Variants in GALNT13 observed in about 807,000 individuals in gnomAD.
GALNT13 encodes the protein UDP-GalNAc:polypeptide N-acetylgalactosaminyltransferase 13.
GALNT13 carries 28 observed loss-of-function variants against 64.2 expected under a neutral mutation model. The ratio of observed to expected loss-of-function variants is 0.44; its 90% CI spans 0.32 to 0.60. The LOEUF is 0.60. GALNT13 is among the 20% of genes least tolerant of loss of function. The pLI, the probability that GALNT13 is intolerant of heterozygous loss-of-function variation, is 0.05. For missense variants in GALNT13, 577 were observed against 669.8 expected (o/e 0.86, Z 1.53); for synonymous variants, 214 against 224.6 (o/e 0.95, Z 0.42).
At chr2:153,746,196 A>T in the GALNT13 span, among the ~76,000 whole-genome samples, 1 of 152,284 alleles carries the variant, frequency 6.6e-6, no homozygotes, top group East Asian at 1.9e-4. Flanking sequence ...AATTTCCAAA[A>T]CCTGAACACA....
the GALNT13 span, among the ~76,000 whole-genome samples, chr2:153,070,756 C>G: frequency 3.3e-5 from 5 of 152,152 alleles, no homozygotes; most frequent in East Asian, 9.6e-4. Context: ...TTTGGAGAGA[C>G]AAGCTGCACA....
At chr2:153,666,976 T>A in the GALNT13 span, among the ~76,000 whole-genome samples, 1 of 152,040 alleles carries the variant, frequency 6.6e-6, no homozygotes, top group Admixed American at 6.6e-5. Context: ...GAAAACTCAC[T>A]ACAAGAATTT....
At chr2:153,749,577 G>C in the GALNT13 span, among the ~76,000 whole-genome samples, 1 of 151,816 alleles carries the variant, frequency 6.6e-6, no homozygotes, top group Non-Finnish European at 1.5e-5. Context: ...TCATTGCTAG[G>C]TATTTAACTT....
chr2:154,441,819 G>A (rs758315176), intron 12 of GALNT13: 5 of 152,060 alleles, frequency 3.3e-5, no homozygotes, highest in Non-Finnish European at 7.4e-5. Flanking sequence ...TTAGGTGAGT[G>A]GGGGAAAAGA....
chr2:153,239,686 A>G, the GALNT13 span, among the ~76,000 whole-genome samples: 1 of 152,174 alleles, frequency 6.6e-6, no homozygotes, highest in East Asian at 1.9e-4. Flanking sequence ...ACACTTAGTC[A>G]TGATGAATAA....
chr2:153,975,807 G>T (rs1694038698), intron 3 of GALNT13, among the ~76,000 whole-genome samples: 1 of 151,986 alleles, frequency 6.6e-6, no homozygotes, highest in Non-Finnish European at 1.5e-5. Flanking sequence ...AAGAGAGTAG[G>T]TCTTAAATCT....
the GALNT13 span, among the ~76,000 whole-genome samples, chr2:153,731,759 T>G: frequency 3.3e-5 from 5 of 152,030 alleles, no homozygotes; most frequent in Non-Finnish European, 7.4e-5. Context: ...TTTTATATTT[T>G]GACATCTTTT....
At chr2:154,051,451 C>T (rs1352980832) in intron 3 of GALNT13, among the ~76,000 whole-genome samples, 8 of 151,112 alleles carry the variant, frequency 5.3e-5, no homozygotes, top group Non-Finnish European at 1.0e-4. Flanking sequence ...CCACCGCGCC[C>T]GGCTAATTTT....
chr2:154,054,905 A>G (rs1349041179), intron 3 of GALNT13, among the ~76,000 whole-genome samples: 2 of 152,050 alleles, frequency 1.3e-5, no homozygotes, highest in Non-Finnish European at 2.9e-5. Context: ...AATGTTCTGT[A>G]TGATGTCAGT....
chr2:153,649,311 T>A, the GALNT13 span, among the ~76,000 whole-genome samples: 1 of 152,172 alleles, frequency 6.6e-6, no homozygotes, highest in Admixed American at 6.6e-5. Context: ...AGTGGTGATA[T>A]CCCCTTTATC....
the GALNT13 span, among the ~76,000 whole-genome samples, chr2:153,658,357 A>G: frequency 0.27 from 40,976 of 151,928 alleles, 5,933 homozygotes; most frequent in Admixed American, 0.39. Flanking sequence ...ATTCACTTCC[A>G]TGGCACTGAT....
At chr2:153,116,825 A>T in the GALNT13 span, among the ~76,000 whole-genome samples, 1 of 101,292 alleles carries the variant, frequency 9.9e-6, no homozygotes, top group Non-Finnish European at 1.8e-5. Context: ...TTTGAGATGG[A>T]GTCTCACTCT....
At chr2:153,500,914 T>C in the GALNT13 span, among the ~76,000 whole-genome samples, 2 of 152,152 alleles carry the variant, frequency 1.3e-5, no homozygotes, top group Admixed American at 1.3e-4. Flanking sequence ...TTTTGGAACA[T>C]ATATTAATAT....
intron 2 of GALNT13, among the ~76,000 whole-genome samples, chr2:153,920,210 T>C (rs1347574219): frequency 6.6e-6 from 1 of 151,846 alleles, no homozygotes. Flanking sequence ...TTGGATTGTC[T>C]TGAAAAAATA....
chr2:153,398,821 T>G, the GALNT13 span, among the ~76,000 whole-genome samples: 1 of 139,374 alleles, frequency 7.2e-6, no homozygotes, highest in African/African-American at 2.7e-5. Flanking sequence ...TTCTGGATAT[T>G]AGCCCTTTGT....
intron 3 of GALNT13, among the ~76,000 whole-genome samples, chr2:154,102,254 G>T (rs1367248404): frequency 6.6e-6 from 1 of 152,050 alleles, no homozygotes; most frequent in African/African-American, 2.4e-5. Context: ...TACAACCACA[G>T]CTAGTGCTCT....
chr2:153,667,300 A>G, the GALNT13 span, among the ~76,000 whole-genome samples: 2 of 152,180 alleles, frequency 1.3e-5, no homozygotes, highest in African/African-American at 2.4e-5. Flanking sequence ...GCAAGATACT[A>G]TATAAGACAA....
At chr2:153,685,422 T>C in the GALNT13 span, among the ~76,000 whole-genome samples, 1 of 152,054 alleles carries the variant, frequency 6.6e-6, no homozygotes, top group Non-Finnish European at 1.5e-5. Context: ...ATCAGTGAAG[T>C]TGAGGTTTTT....
the GALNT13 span, among the ~76,000 whole-genome samples, chr2:153,864,863 G>A: frequency 1.4e-5 from 2 of 147,138 alleles, no homozygotes; most frequent in African/African-American, 2.5e-5. Flanking sequence ...TCAATCCTAA[G>A]CCAAAAGAAC....
Sources: gnomAD v4.1 joint callset for allele counts (sites outside exome capture counted in the v4.1 genomes callset) on GRCh38, gnomAD v4.1.1 for gene constraint, MANE v1.5 for transcripts, NCBI Gene and HGNC (gene_info 2026-07-23, HGNC 2026-07-21) for gene names.